Variants in SLCO3A1 observed in about 807,000 individuals in gnomAD.
SLCO3A1 encodes solute carrier organic anion transporter family member 3A1.
In SLCO3A1, 27 loss-of-function variants were observed where a neutral mutation model predicts 63.1. The observed-to-expected ratio is 0.43, with a 90% confidence interval of 0.32 to 0.59. The LOEUF (loss-of-function observed/expected upper bound fraction) is 0.59. Among genes scored for constraint, SLCO3A1 ranks in the 20% least tolerant of loss-of-function variants. The probability of loss-of-function intolerance (pLI) is 0.09; values close to 1 mark genes in which losing one functional copy is unlikely to be tolerated. For missense variants in SLCO3A1, 773 were observed against 945.8 expected (o/e 0.82, Z 2.40); for synonymous variants, 473 against 409.9 (o/e 1.15, Z -1.86).
chr15:91,930,828 G>A lies in SLCO3A1; in HGVS notation c.646+14370G>A, dbSNP rs746228341. On this transcript the variant is annotated intron_variant, in intron 2 of 9. Coordinates refer to ENST00000318445, the MANE Select transcript of SLCO3A1 (RefSeq NM_013272.4). ...ACCCCTGAGTTAGTTTTTATTTGCC[G>A]CGCTTTATGGGAGGAAATCCTGATG... Among the ~76,000 whole-genome samples the A allele has an allele frequency of 1.1e-4, 16 of 152,280 alleles. 1 individual carries two copies. In the South Asian group the frequency reaches 1.2e-3, roughly 12 times the overall value.
At position 91,859,550 on chromosome 15, in the gene SLCO3A1, CTGTCGCTTATTCGATGAGTGTTAG is replaced by C. The variant is rs1897000910; in HGVS notation, c.180+5463_180+5486del. On this transcript the variant is annotated intron_variant, in intron 1 of 9. Transcript: ENST00000318445. This position sits in a 1 kb window ranked among gnomAD's most constrained non-coding sequence, Gnocchi z 5.1. ...GGAGAAAGGCAAGTGTCTGTGGCAG[CTGTCGCTTATTCGATGAGTGTTAG>C]AAGACTGGGATTCATGCCTATGTCC... 6.6e-6 allele frequency among the ~76,000 whole-genome samples: 1 copy of C among 152,212 alleles called. No individual in the cohort carries two copies. The highest frequency in any genetic ancestry group is 2.4e-5 in the African/African-American group (1 of 41,460).
In SLCO3A1 at chr15:92,018,100, C is replaced by T. The variant is rs1201496442; in HGVS notation, c.647-76781C>T. Among the ~76,000 whole-genome samples the T allele has an allele frequency of 2.0e-5, 3 of 152,262 alleles. No individual in the cohort carries two copies. In the East Asian group the frequency reaches 5.8e-4, roughly 29 times the overall value. On this transcript the variant is annotated intron_variant, in intron 2 of 9. Coordinates refer to ENST00000318445, the MANE Select transcript of SLCO3A1 (RefSeq NM_013272.4). The stretch of plus-strand genomic sequence containing the variant: ...GGCTGGGCTGTGGCTGATGCGTACC[C>T]GAGTACAAGGGACTGAGATGGATGG...
intron 1 of SLCO3A1, among the ~76,000 whole-genome samples, chr15:91,878,129 TC>T (rs1213307644): frequency 6.8e-6 from 1 of 146,084 alleles, no homozygotes; most frequent in Non-Finnish European, 1.5e-5. Context: ...TGCTCTTGTC[TC>T]CTAGCCTGGA....
chr15:92,154,712 T>C (rs1266378476), intron 9 of SLCO3A1, among the ~76,000 whole-genome samples: 4 of 151,492 alleles, frequency 2.6e-5, no homozygotes, highest in East Asian at 3.9e-4. Context: ...AGGGCAGGGC[T>C]GCAGAGGTGT....
chr15:92,083,082 G>C (rs974416561), intron 2 of SLCO3A1, among the ~76,000 whole-genome samples: 1 of 152,184 alleles, frequency 6.6e-6, no homozygotes, highest in Non-Finnish European at 1.5e-5. Flanking sequence ...TTTTCCCCCT[G>C]CTGAATGCAT....
At chr15:91,873,258 CAGT>C (rs1224935925) in intron 1 of SLCO3A1, among the ~76,000 whole-genome samples, 2 of 152,168 alleles carry the variant, frequency 1.3e-5, no homozygotes, top group Non-Finnish European at 2.9e-5. Context: ...CTGTGGGTGT[CAGT>C]TTTCTCCTCG....
chr15:92,137,079 C>G (rs899560263), intron 7 of SLCO3A1, among the ~76,000 whole-genome samples: 7 of 147,248 alleles, frequency 4.8e-5, no homozygotes, highest in Non-Finnish European at 1.0e-4. Flanking sequence ...CCCACTAACT[C>G]GTCATCTAGC....
At chr15:92,000,086 A>G (rs1318760639) in intron 2 of SLCO3A1, among the ~76,000 whole-genome samples, 1 of 152,240 alleles carries the variant, frequency 6.6e-6, no homozygotes, top group Non-Finnish European at 1.5e-5. Context: ...TAAAAGTCTC[A>G]GCTAAGTAAT....
rs2048461478 is a variant in SLCO3A1, at chr15:92,163,141, A to G, written c.*6A>G. ...ACATGGAGTCCGTTTTATAGTGACTAAAGGAGGGCTGAACTCTGTATTAGT... is the reference window on the plus strand; with the variant it reads ...ACATGGAGTCCGTTTTATAGTGACTGAAGGAGGGCTGAACTCTGTATTAGT... On this transcript the variant is annotated 3_prime_UTR_variant, in exon 10 of 10. Coordinates refer to ENST00000318445, the MANE Select transcript of SLCO3A1 (RefSeq NM_013272.4). 6.6e-7 allele frequency: 1 copy of G among 1,507,756 alleles called. No homozygotes were observed. The highest frequency in any genetic ancestry group is 1.4e-5 in the South Asian group (1 of 73,728). The allele number at this position is 1,507,756 out of a possible 1,614,324, so 93.4% of individuals were successfully genotyped here.
rs866621925 is a variant in SLCO3A1, at chr15:92,143,460, A to T, written c.1513-3524A>T. 1.7e-4 allele frequency among the ~76,000 whole-genome samples: 2 copies of T among 11,678 alleles called. 1 individual carries two copies. Among genetic ancestry groups the T allele is most frequent in the African/African-American group, 2.4e-3 (2 of 826 alleles). The allele number at this position is 11,678 out of a possible 152,430, so 7.7% of individuals were successfully genotyped here. On this transcript the variant is annotated intron_variant, in intron 7 of 9. Coordinates refer to ENST00000318445, the MANE Select transcript of SLCO3A1 (RefSeq NM_013272.4). ...ATATAATATATATATAATATATATA[A>T]TATATATAAATATATATATATATTA...
intron 2 of SLCO3A1, among the ~76,000 whole-genome samples, chr15:92,039,981 G>A (rs758202537): frequency 1.8e-4 from 28 of 152,218 alleles, no homozygotes; most frequent in Non-Finnish European, 2.5e-4. Flanking sequence ...ACTAAACACC[G>A]CATGATCTCA....
At chr15:91,982,609 G>A (rs1057094647) in intron 2 of SLCO3A1, among the ~76,000 whole-genome samples, 10 of 152,310 alleles carry the variant, frequency 6.6e-5, no homozygotes, top group Admixed American at 4.6e-4. Flanking sequence ...CCCTTGCCAC[G>A]GGCTCCCTCT....
At position 91,883,855 on chromosome 15, in the gene SLCO3A1, A is replaced by G. The variant is rs1897658575; in HGVS notation, c.180+29767A>G. ...CACACCCCGTGCCAGGCACCGTGTT[A>G]CATGCATTTCTTCTGCTGTCCTTTT... On this transcript the variant is annotated intron_variant, in intron 1 of 9. Coordinates refer to ENST00000318445, the MANE Select transcript of SLCO3A1 (RefSeq NM_013272.4). This position sits in a 1 kb window ranked among gnomAD's most constrained non-coding sequence, Gnocchi z 4.8. Among the ~76,000 whole-genome samples the G allele has an allele frequency of 6.6e-6, 1 of 152,180 alleles. No homozygotes were observed. Among genetic ancestry groups the G allele is most frequent in the African/African-American group, 2.4e-5 (1 of 41,446 alleles).
chr15:91,965,961 G>C (rs1437406760), intron 2 of SLCO3A1, among the ~76,000 whole-genome samples: 1 of 152,158 alleles, frequency 6.6e-6, no homozygotes, highest in Non-Finnish European at 1.5e-5. Context: ...ATTGTGTGAA[G>C]CTTTCTGAAT....
chr15:91,960,333 G>A (rs1330269365), intron 2 of SLCO3A1, among the ~76,000 whole-genome samples: 1 of 152,152 alleles, frequency 6.6e-6, no homozygotes, highest in Non-Finnish European at 1.5e-5. Context: ...TGTTTGTAAG[G>A]TCCATCCATG....
At chr15:92,065,240 G>A (rs1192009793) in intron 2 of SLCO3A1, among the ~76,000 whole-genome samples, 4 of 152,030 alleles carry the variant, frequency 2.6e-5, no homozygotes, top group Admixed American at 1.3e-4. Flanking sequence ...GTGCCATCAC[G>A]CCAGGCTAAT....
In SLCO3A1 at chr15:92,082,929, C is replaced by T. The variant is rs191943717; in HGVS notation, c.647-11952C>T. On this transcript the variant is annotated intron_variant, in intron 2 of 9. Transcript: ENST00000318445. ...TTGGTGCAGCTGACTGATCTCTCTGCGCTTCTGTATTCTCATCTACAAAAA... is the reference window on the plus strand; with the variant it reads ...TTGGTGCAGCTGACTGATCTCTCTGTGCTTCTGTATTCTCATCTACAAAAA... 2.7e-3 allele frequency among the ~76,000 whole-genome samples: 408 copies of T among 152,234 alleles called. 1 individual carries two copies. The highest frequency in any genetic ancestry group is 4.6e-3 in the Admixed American group (70 of 15,306).
At chr15:92,027,979 C>T (rs564608222) in intron 2 of SLCO3A1, among the ~76,000 whole-genome samples, 76 of 152,334 alleles carry the variant, frequency 5.0e-4, no homozygotes, top group African/African-American at 1.8e-3. Flanking sequence ...CTCCTCTGAT[C>T]ACAGCGTTCG....
rs1274293572 is a variant in SLCO3A1 at position 91,885,506 on chromosome 15, A to ATGT, written c.181-30487_181-30486insTGT. Among the ~76,000 whole-genome samples the ATGT allele has an allele frequency of 2.0e-5, 3 of 152,238 alleles. No homozygotes were observed. Among genetic ancestry groups the ATGT allele is most frequent in the African/African-American group, 4.8e-5 (2 of 41,470 alleles). On this transcript the variant is annotated intron_variant, in intron 1 of 9. Transcript: ENST00000318445. The surrounding 1 kb of genome is among the most constrained non-coding windows in gnomAD (Gnocchi z 4.7). ...ATGTCACAAATCATACATTACAGGAAAAGGGAGCCCTTTGCTGCTGGGCAG... is the reference window on the plus strand; with the variant it reads ...ATGTCACAAATCATACATTACAGGAATGTAAGGGAGCCCTTTGCTGCTGGGCAG...
Sources: allele counts gnomAD v4.1 joint callset (sites outside exome capture counted in the v4.1 genomes callset), GRCh38; gene constraint gnomAD v4.1.1; non-coding constraint Gnocchi (gnomAD v3.1); transcripts MANE v1.5; gene names NCBI Gene and HGNC (gene_info 2026-07-23, HGNC 2026-07-21).